ESYT3: variants seen among roughly 807,000 people sequenced by gnomAD.
ESYT3 encodes extended synaptotagmin 3.
ESYT3 carries 101 observed loss-of-function variants against 111.5 expected under a neutral mutation model. The observed-to-expected ratio is 0.91, with a 90% CI of 0.77 to 1.07. The LOEUF is 1.07. Among genes scored for constraint, ESYT3 ranks in the 50% least tolerant of loss-of-function variants. ESYT3 has a pLI of 0.00. For missense variants in ESYT3, 1,097 were observed against 1,109.4 expected (o/e 0.99, Z 0.16); for synonymous variants, 416 against 446.8 (o/e 0.93, Z 0.87).
chr3:138,464,211 T>G lies in ESYT3; in HGVS notation c.916-134T>G, dbSNP rs537072520. 105 of 1,013,432 alleles carry G rather than the reference T, an allele frequency of 1.0e-4. No homozygotes were observed. The African/African-American group carries it at 1.6e-3, about 15-fold the overall frequency. 62.8% of individuals were successfully genotyped at this position (1,013,432 alleles called of 1,614,324 possible). On this transcript the variant is annotated intron_variant, in intron 8 of 22. Coordinates refer to ENST00000389567, the MANE Select transcript of ESYT3 (RefSeq NM_031913.5). ...TGGCCAGGTCACTGCCGTATCTGGCTTCTATCTCCTGGTCCAGACCGTGGA... is the reference window on the plus strand; with the variant it reads ...TGGCCAGGTCACTGCCGTATCTGGCGTCTATCTCCTGGTCCAGACCGTGGA...
rs1167286766 is a variant in ESYT3, at chr3:138,479,576, C to T, written c.*2722C>T. ...TCTATAGCAGGAAGAAGGGGCTTTT[C>T]TTCTGATGTTTTCCATGGCTGCTAG... On this transcript the variant is annotated 3_prime_UTR_variant, in exon 23 of 23. Transcript: ENST00000389567. The T allele has an allele frequency of 6.6e-6, 1 of 152,220 alleles. No individual in the cohort carries two copies. Among genetic ancestry groups the T allele is most frequent in the African/African-American group, 2.4e-5 (1 of 41,442 alleles). The allele number at this position is 152,220 out of a possible 1,614,324, so 9.4% of individuals were successfully genotyped here.
chr3:138,476,457 AT>A lies in ESYT3; in HGVS notation c.2590del (p.Ser864GlnfsTer5). On this transcript the variant is annotated frameshift_variant, in exon 22 of 23. Coordinates refer to ENST00000389567, the MANE Select transcript of ESYT3 (RefSeq NM_031913.5). LOFTEE classifies it high-confidence loss of function. ...KELGKVLIDLSKEDLIKGFSQ... is the reference protein window; with the variant it reads ...KELGKVLIDLXKEDLIKGFSQ... ...TGATTATTTAGGTACTGATTGACTT[AT>A]CAAAAGAAGATCTGATTAAGGGCTT... is the stretch of plus-strand genomic sequence containing the variant. 3 of 1,614,018 alleles carry A rather than the reference AT, an allele frequency of 1.9e-6. No individual in the cohort carries two copies. Among genetic ancestry groups the A allele is most frequent in the Non-Finnish European group, 2.5e-6 (3 of 1,179,976 alleles).
chr3:138,472,365 C>A lies in ESYT3; in HGVS notation c.1743C>A (p.Phe581Leu), dbSNP rs2033263356. ...GCCACCCTCTTATCTGCTTGCAGTT[C>A]CTGCAAGTGGAGGAACGAGAGCTGG... The part of the protein sequence containing the change: ...SLISMRLVLR[F>L]LQVEERELGS... The change falls in exon 18 of 23, where the codon TTC becomes TTA. Residue 581 changes from phenylalanine to leucine, a missense_variant and splice_region_variant. Physicochemically the swap from Phe to Leu is conservative, Grantham distance 22. Coordinates refer to ENST00000389567, the MANE Select transcript of ESYT3 (RefSeq NM_031913.5). 2 of 1,612,676 alleles carry A rather than the reference C, an allele frequency of 1.2e-6. No individual in the cohort carries two copies. The highest frequency in any genetic ancestry group is 1.7e-5 in the Admixed American group (1 of 59,748).
chr3:138,457,488 G>A, intron 3 of ESYT3, 80 bp from the exon 4 acceptor site: 1 of 1,265,798 alleles, frequency 7.9e-7, no homozygotes, highest in South Asian at 1.2e-5. Flanking sequence ...TGCTGACAAA[G>A]CCCAGTGCCG....
intron 6 of ESYT3, 119 bp downstream of exon 6, chr3:138,460,153 G>T: frequency 2.4e-6 from 2 of 821,902 alleles, no homozygotes; most frequent in South Asian, 3.3e-5. Context: ...CTGAGACCTG[G>T]GCAGTCACAC....
chr3:138,462,386 C>T, intron 8 of ESYT3, 180 bp downstream of exon 8: 1 of 810,064 alleles, frequency 1.2e-6, no homozygotes, highest in Non-Finnish European at 1.9e-6. Context: ...TGGGGTGTAT[C>T]CCACTTGGGA....
Position 138,473,257 on chromosome 3 carries a change from C to T in ESYT3, c.2238-279C>T, listed in dbSNP as rs1205045591. On this transcript the variant is annotated intron_variant, in intron 18 of 22. Transcript: ENST00000389567. Reference sequence around the variant, plus strand: ...TTCACAATAACCCTACAAGATGGAACTATCATAAAAGTTTAATAAATTCAT... The same window carrying T: ...TTCACAATAACCCTACAAGATGGAATTATCATAAAAGTTTAATAAATTCAT... 5.2e-6 allele frequency: 4 copies of T among 770,020 alleles called. No individual in the cohort carries two copies. The African/African-American group carries it at 7.0e-5, about 13-fold the overall frequency. The allele number at this position is 770,020 out of a possible 1,614,324, so 47.7% of individuals were successfully genotyped here. A position where few individuals can be genotyped will look rare whatever the true frequency, so the allele number is the denominator to read the frequency against.
At chr3:138,448,609 A>C (rs1335959725) in intron 1 of ESYT3, among the ~76,000 whole-genome samples, 1 of 152,208 alleles carries the variant, frequency 6.6e-6, no homozygotes, top group Non-Finnish European at 1.5e-5. Flanking sequence ...ACAGATGAAA[A>C]TCCAGAGTAA....
intron 8 of ESYT3, 98 bp downstream of exon 8, chr3:138,462,304 A>G (rs370771201): frequency 2.0e-6 from 3 of 1,518,844 alleles, no homozygotes. Context: ...TTTCACACTA[A>G]TGCTTGACAG....
At position 138,434,980 on chromosome 3, in the gene ESYT3, G is replaced by C; in HGVS notation, c.182G>C (p.Trp61Ser). ...GGCTACCTGGGGCTCAGCATAACCTGGTTGCTGCTCGGCGCCCTGCTGTGG... is the reference window on the plus strand; with the variant it reads ...GGCTACCTGGGGCTCAGCATAACCTCGTTGCTGCTCGGCGCCCTGCTGTGG... Reference protein sequence around the residue: ...LAGYLGLSITWLLLGALLWMW... With the variant: ...LAGYLGLSITSLLLGALLWMW... Residue 61 changes from tryptophan (W) to serine (S), a missense_variant, in exon 1 of 23, where the codon TGG becomes TCG. Transcript: ENST00000389567. 1 of 1,558,336 alleles carries C rather than the reference G, an allele frequency of 6.4e-7. No homozygotes were observed. Among genetic ancestry groups the C allele is most frequent in the Non-Finnish European group, 8.7e-7 (1 of 1,150,292 alleles).
chr3:138,448,266 T>TAAAAAAAAAAA (rs71146126), intron 1 of ESYT3, among the ~76,000 whole-genome samples: 1 of 44,592 alleles, frequency 2.2e-5, no homozygotes, highest in African/African-American at 9.1e-5. Flanking sequence ...AAACTCGATC[T>TAAAAAAAAAAA]AAAAAAAAAA....
chr3:138,446,909 C>G (rs1212100463), intron 1 of ESYT3, among the ~76,000 whole-genome samples: 1 of 152,094 alleles, frequency 6.6e-6, no homozygotes. Context: ...GTGGTGCATA[C>G]CTGTAGTCCT....
intron 10 of ESYT3, 133 bp from the exon 11 acceptor site, chr3:138,467,428 T>A (rs1479882623): frequency 1.1e-6 from 1 of 874,992 alleles, no homozygotes; most frequent in African/African-American, 1.7e-5. Context: ...CTCCCATTGG[T>A]TCCTTGGGGT....
chr3:138,448,318 C>G (rs2031696796), intron 1 of ESYT3, among the ~76,000 whole-genome samples: 2 of 150,320 alleles, frequency 1.3e-5, no homozygotes, highest in South Asian at 4.2e-4. Flanking sequence ...TTCACCCTAC[C>G]CCAGGTCATT....
chr3:138,479,465 C>G lies in ESYT3; in HGVS notation c.*2611C>G, dbSNP rs2033629695. 1 of 152,258 alleles carries G rather than the reference C, an allele frequency of 6.6e-6. No homozygotes were observed. Among genetic ancestry groups the G allele is most frequent in the Admixed American group, 6.5e-5 (1 of 15,286 alleles). The allele number at this position is 152,258 out of a possible 1,614,324, so 9.4% of individuals were successfully genotyped here. A position where few individuals can be genotyped will look rare whatever the true frequency, so the allele number is the denominator to read the frequency against. On this transcript the variant is annotated 3_prime_UTR_variant, in exon 23 of 23. Transcript: ENST00000389567. ...TGTCAGTCACTAATTCATTACCTCT[C>G]AGCTTCAAATTGACGTCTGTCTCCT...
intron 16 of ESYT3, chr3:138,470,672 C>T: frequency 7.2e-7 from 1 of 1,394,046 alleles, no homozygotes; most frequent in Non-Finnish European, 9.3e-7. Flanking sequence ...ATCATAATTG[C>T]CTCTACTCTG....
At chr3:138,448,229 T>A (rs2031677763) in intron 1 of ESYT3, among the ~76,000 whole-genome samples, 1 of 137,356 alleles carries the variant, frequency 7.3e-6, no homozygotes, top group Admixed American at 7.9e-5. Context: ...ATTGCACCAT[T>A]GCACTCCAGC....
intron 4 of ESYT3, among the ~76,000 whole-genome samples, chr3:138,458,289 C>T (rs1008674301): frequency 1.3e-5 from 2 of 152,222 alleles, no homozygotes; most frequent in South Asian, 2.1e-4. Flanking sequence ...TTCTTCGGAC[C>T]GCCCATCCCC....
In ESYT3 at chr3:138,479,871, A is replaced by AGAGTC. The variant is rs1460054789; in HGVS notation, c.*3018_*3022dup. On this transcript the variant is annotated 3_prime_UTR_variant, in exon 23 of 23. Coordinates refer to ENST00000389567, the MANE Select transcript of ESYT3 (RefSeq NM_031913.5). The stretch of plus-strand genomic sequence containing the variant: ...CTGAAGTTGATATTCTGTATCCCCT[A>AGAGTC]GAGTCCACTTCTACCCCGTTTAGTA... 6.6e-6 allele frequency: 1 copy of AGAGTC among 152,172 alleles called. No individual in the cohort carries two copies. Among genetic ancestry groups the AGAGTC allele is most frequent in the Admixed American group, 6.5e-5 (1 of 15,280 alleles). The allele number at this position is 152,172 out of a possible 1,614,324, so 9.4% of individuals were successfully genotyped here.
Sources: gnomAD v4.1 joint callset for allele counts (sites outside exome capture counted in the v4.1 genomes callset) on GRCh38, gnomAD v4.1.1 for gene constraint, MANE v1.5 for transcripts, NCBI Gene and HGNC (gene_info 2026-07-23, HGNC 2026-07-21) for gene names.